The following UBR3 variants were observed in gnomAD, a reference collection of about 807,000 sequenced individuals.
UBR3 encodes the protein E3 ubiquitin-protein ligase UBR3.
In UBR3, 85 loss-of-function variants were observed where a neutral mutation model predicts 243.2. The observed-to-expected ratio is 0.35, with a 90% CI of 0.29 to 0.42. The LOEUF (loss-of-function observed/expected upper bound fraction) is 0.42. Among genes scored for constraint, UBR3 ranks in the 10% least tolerant of loss-of-function variants. The pLI is 1.00. For synonymous variants in UBR3, 748 were observed against 799.8 expected, an observed-to-expected ratio of 0.94 and a Z score of 1.09; for missense variants, 1,686 against 2,300.8, an observed-to-expected ratio of 0.73 and a Z score of 5.47.
chr2:169,901,921 C>T (rs1232255475), intron 8 of UBR3, among the ~76,000 whole-genome samples: 1 of 152,184 alleles, frequency 6.6e-6, no homozygotes, highest in Non-Finnish European at 1.5e-5. Flanking sequence ...CCCAGACTGC[C>T]TTTCCTCCCT....
intron 18 of UBR3, among the ~76,000 whole-genome samples, chr2:169,929,842 C>T (rs959018146): frequency 6.6e-6 from 1 of 152,130 alleles, no homozygotes; most frequent in African/African-American, 2.4e-5. Context: ...ACTCCCTCAA[C>T]ACGTTGTCTA....
chr2:170,028,683 C>T, intron 30 of UBR3, among the ~76,000 whole-genome samples: 1 of 39,954 alleles, frequency 2.5e-5, no homozygotes, highest in Non-Finnish European at 6.3e-5. Flanking sequence ...AAAAGCAATA[C>T]TTAGGGTTTT....
At chr2:170,048,879 T>G (rs2091152700) in intron 32 of UBR3, among the ~76,000 whole-genome samples, 1 of 152,220 alleles carries the variant, frequency 6.6e-6, no homozygotes, top group Non-Finnish European at 1.5e-5. Context: ...CCTTAAATAG[T>G]AAAAGTTATG....
chr2:169,897,458 T>C (rs1002414232), intron 8 of UBR3, among the ~76,000 whole-genome samples: 12 of 151,882 alleles, frequency 7.9e-5, no homozygotes, highest in East Asian at 3.9e-4. Context: ...TGTGTATATA[T>C]GTATATATGT....
chr2:169,989,639 G>A (rs2089187419), intron 25 of UBR3, among the ~76,000 whole-genome samples: 1 of 151,900 alleles, frequency 6.6e-6, no homozygotes, highest in South Asian at 2.1e-4. Context: ...ATTTTTTGTT[G>A]CTCTGAGATA....
chr2:170,056,490 T>C (rs1021265773), intron 33 of UBR3, among the ~76,000 whole-genome samples: 2 of 152,182 alleles, frequency 1.3e-5, no homozygotes, highest in Non-Finnish European at 2.9e-5. Context: ...TATAGAGTTA[T>C]AGAACCGAAG....
At chr2:169,956,132 TTC>T (rs2087276067) in intron 23 of UBR3, among the ~76,000 whole-genome samples, 1 of 152,068 alleles carries the variant, frequency 6.6e-6, no homozygotes, top group African/African-American at 2.4e-5. Flanking sequence ...CATTCTTGTT[TTC>T]TCTCTTTCTC....
At chr2:169,940,261 TAAG>T (rs935628653) in intron 19 of UBR3, among the ~76,000 whole-genome samples, 3 of 152,194 alleles carry the variant, frequency 2.0e-5, no homozygotes, top group Non-Finnish European at 4.4e-5. Context: ...GTATGGATTT[TAAG>T]GCTATGTATT....
intron 19 of UBR3, among the ~76,000 whole-genome samples, chr2:169,936,209 G>A (rs201210495): frequency 4.6e-5 from 7 of 152,000 alleles, no homozygotes; most frequent in East Asian, 3.9e-4. Flanking sequence ...ACAGGCATGC[G>A]CTACCATGCC....
At chr2:169,935,215 G>A (rs1398462813) in intron 19 of UBR3, among the ~76,000 whole-genome samples, 1 of 152,168 alleles carries the variant, frequency 6.6e-6, no homozygotes, top group Non-Finnish European at 1.5e-5. Flanking sequence ...ACCCAGGCTG[G>A]AGTGCAGTGG....
At position 170,055,578 on chromosome 2, in the gene UBR3, C is replaced by G. The variant is rs767034900; in HGVS notation, c.4779C>G (p.Leu1593=). The change falls in exon 33 of 39, where the codon CTC becomes CTG. Residue 1593 remains leucine, a synonymous_variant. Coordinates refer to ENST00000272793, the MANE Select transcript of UBR3 (RefSeq NM_172070.4). ...DRSAWKHAGA[L]KKSTCDAEKS... ...CAGCCTGGAAACACGCGGGAGCTCT[C>G]AAAAAGGTTAGGCTCTTTCTAAATT... 26 of 1,612,324 alleles carry G rather than the reference C, an allele frequency of 1.6e-5. 1 individual carries two copies. In the South Asian group the frequency reaches 2.3e-4, roughly 14 times the overall value.
intron 11 of UBR3, among the ~76,000 whole-genome samples, chr2:169,923,439 C>T (rs1008021114): frequency 2.0e-5 from 3 of 152,074 alleles, no homozygotes; most frequent in Non-Finnish European, 2.9e-5. Flanking sequence ...TAGCTCCTAC[C>T]CCATAGCATT....
chr2:170,067,095 G>A (rs982303491), intron 35 of UBR3, among the ~76,000 whole-genome samples: 6 of 151,990 alleles, frequency 3.9e-5, no homozygotes, highest in African/African-American at 1.4e-4. Flanking sequence ...CACCTCGTAA[G>A]TAAAGCAGGC....
chr2:169,894,931 T>TAAA (rs769111625), intron 6 of UBR3, among the ~76,000 whole-genome samples: 2 of 152,190 alleles, frequency 1.3e-5, no homozygotes, highest in Non-Finnish European at 2.9e-5. Flanking sequence ...TACCTTTATT[T>TAAA]AAAAAGGGCA....
intron 10 of UBR3, among the ~76,000 whole-genome samples, chr2:169,907,189 G>A (rs984701985): frequency 2.6e-5 from 4 of 150,996 alleles, no homozygotes; most frequent in African/African-American, 4.9e-5. Context: ...GGTGTGCACC[G>A]GCACACCTGG....
At chr2:169,904,762 A>C (rs555470284) in intron 8 of UBR3, among the ~76,000 whole-genome samples, 61 of 152,312 alleles carry the variant, frequency 4.0e-4, no homozygotes, top group African/African-American at 1.5e-3. Context: ...AACAGAAAAT[A>C]CTGCATTATA....
intron 6 of UBR3, among the ~76,000 whole-genome samples, chr2:169,894,313 G>T: frequency 1.2e-5 from 1 of 83,320 alleles, no homozygotes; most frequent in Admixed American, 2.0e-4. Context: ...GTGAGACCCT[G>T]ACTCTTAAGA....
chr2:169,898,669 CT>C (rs561412467), intron 8 of UBR3, among the ~76,000 whole-genome samples: 1,647 of 128,084 alleles, frequency 0.013, 17 homozygotes, highest in African/African-American at 0.034. Flanking sequence ...ACTTCTTCAC[CT>C]TTTTTTTTTT....
intron 10 of UBR3, among the ~76,000 whole-genome samples, chr2:169,911,101 T>C (rs1286247554): frequency 6.6e-6 from 1 of 152,154 alleles, no homozygotes; most frequent in East Asian, 1.9e-4. Flanking sequence ...CTTGAAAACA[T>C]TAAGGGCTAG....
Sources: gnomAD v4.1 joint callset for allele counts (sites outside exome capture counted in the v4.1 genomes callset) on GRCh38, gnomAD v4.1.1 for gene constraint, MANE v1.5 for transcripts, NCBI Gene and HGNC (gene_info 2026-07-23, HGNC 2026-07-21) for gene names.